Variants in ESR1 observed in about 807,000 individuals in gnomAD.
ESR1 encodes estrogen receptor.
Under a neutral mutation model 52.7 loss-of-function variants are expected in ESR1, and 12 were observed. The observed-to-expected ratio is 0.23, with a 90% confidence interval of 0.15 to 0.37. The LOEUF is 0.37. Among genes scored for constraint, ESR1 ranks in the 10% least tolerant of loss-of-function variants. ESR1 has a pLI of 1.00. For missense variants in ESR1, 584 were observed against 779.7 expected (o/e 0.75, Z 2.99); for synonymous variants, 305 against 316.8 (o/e 0.96, Z 0.39).
chr6:151,913,108 T>TAATAA (rs896610163), intron 3 of ESR1, among the ~76,000 whole-genome samples: 4 of 151,940 alleles, frequency 2.6e-5, no homozygotes, highest in Non-Finnish European at 5.9e-5. Flanking sequence ...AAATAAAAAA[T>TAATAA]AATAAAATAA....
intron 5 of ESR1, among the ~76,000 whole-genome samples, chr6:152,037,522 T>G (rs1242362824): frequency 6.6e-6 from 1 of 152,228 alleles, no homozygotes; most frequent in African/African-American, 2.4e-5. Context: ...TACTAAGCAT[T>G]TATGAGCTAT....
intron 2 of ESR1, among the ~76,000 whole-genome samples, chr6:151,784,673 C>G (rs1786853151): frequency 6.6e-6 from 1 of 152,204 alleles, no homozygotes; most frequent in Non-Finnish European, 1.5e-5. Context: ...GTTACAGTTA[C>G]AGAAGTGACT....
intron 2 of ESR1, among the ~76,000 whole-genome samples, chr6:151,867,022 C>T (rs1790037782): frequency 6.6e-6 from 1 of 152,046 alleles, no homozygotes; most frequent in Non-Finnish European, 1.5e-5. Context: ...GGAAAGGATT[C>T]CCTATTTAAT....
At chr6:152,031,131 T>G (rs183374162) in intron 5 of ESR1, among the ~76,000 whole-genome samples, 131 of 152,268 alleles carry the variant, frequency 8.6e-4, no homozygotes, top group Admixed American at 1.2e-3. Flanking sequence ...TGGGACACAT[T>G]CAAAGCAGTG....
At chr6:151,768,031 C>A (rs2128105281) in intron 2 of ESR1, among the ~76,000 whole-genome samples, 1 of 152,182 alleles carries the variant, frequency 6.6e-6, no homozygotes, top group East Asian at 1.9e-4. Context: ...GAATGTGGAG[C>A]AATAATTATT....
intron 1 of ESR1, among the ~76,000 whole-genome samples, chr6:151,840,870 C>A (rs931664739): frequency 5.9e-5 from 9 of 152,210 alleles, no homozygotes; most frequent in Non-Finnish European, 1.0e-4. Context: ...TCTCTCCATT[C>A]ATTTAAATAT....
intron 2 of ESR1, among the ~76,000 whole-genome samples, chr6:151,786,933 C>T (rs13205359): frequency 0.13 from 20,050 of 152,114 alleles, 1,815 homozygotes; most frequent in East Asian, 0.3. Flanking sequence ...CCTCAGTCTC[C>T]CAAGTAGTTT....
chr6:151,906,936 G>A (rs1426628899), intron 3 of ESR1, among the ~76,000 whole-genome samples: 1 of 151,154 alleles, frequency 6.6e-6, no homozygotes, highest in Non-Finnish European at 1.5e-5. Context: ...TGTTTATTAT[G>A]TGAGGTAGGA....
At chr6:151,686,456 CG>C (rs1778680128), upstream of ESR1, among the ~76,000 whole-genome samples, 1 of 152,038 alleles carries the variant, frequency 6.6e-6, no homozygotes, top group South Asian at 2.1e-4. Context: ...GAGGCCGAGG[CG>C]GCCGGATCAC....
chr6:152,034,733 A>G (rs1478038778), intron 5 of ESR1, among the ~76,000 whole-genome samples: 3 of 152,226 alleles, frequency 2.0e-5, no homozygotes, highest in African/African-American at 7.2e-5. Context: ...CAGAAGTGCC[A>G]CAAAGAGCCG....
At chr6:152,086,410 ATATT>A (rs1485517149) in intron 6 of ESR1, among the ~76,000 whole-genome samples, 4 of 148,040 alleles carry the variant, frequency 2.7e-5, no homozygotes, top group Non-Finnish European at 4.5e-5. Flanking sequence ...TAAATAAATA[ATATT>A]TATTTTATTA....
chr6:151,960,505 C>T (rs372911347), intron 4 of ESR1, among the ~76,000 whole-genome samples: 119 of 152,162 alleles, frequency 7.8e-4, no homozygotes, highest in African/African-American at 2.8e-3. Flanking sequence ...AGTGGCCCAC[C>T]AAGTGCAGAG....
Position 151,808,226 on chromosome 6 carries a change from C to A in ESR1, c.314C>A (p.Pro105Gln). Residue 105 changes from proline to glutamine, a missense_variant, in exon 1 of 8, where the codon CCG becomes CAG. By Grantham distance (76) the Pro-to-Gln change is moderately conservative. Around this residue, in one of 6 missense-constraint regions of ESR1, gnomAD observed 251 missense variants for 246.1 expected, o/e 1.02. Coordinates refer to ENST00000206249, the MANE Select transcript of ESR1 (RefSeq NM_000125.4). The stretch of plus-strand genomic sequence containing the variant: ...TTCCCCCCACTCAACAGCGTGTCTC[C>A]GAGCCCGCTGATGCTACTGCACCCG... ...GGFPPLNSVS[P>Q]SPLMLLHPPP... 1 of 1,571,146 alleles carries A rather than the reference C, an allele frequency of 6.4e-7. No individual in the cohort carries two copies. The highest frequency in any genetic ancestry group is 8.6e-7 in the Non-Finnish European group (1 of 1,158,370).
chr6:151,956,861 T>A (rs866408500), intron 4 of ESR1, among the ~76,000 whole-genome samples: 31 of 82,758 alleles, frequency 3.7e-4, no homozygotes, highest in African/African-American at 5.8e-4. Context: ...TATATATATA[T>A]AAATATATAT....
intron 2 of ESR1, among the ~76,000 whole-genome samples, chr6:151,770,445 C>T (rs1387982252): frequency 6.6e-6 from 1 of 151,982 alleles, no homozygotes; most frequent in Non-Finnish European, 1.5e-5. Flanking sequence ...TAAAGGCAGG[C>T]ATAATTCCAA....
At chr6:151,933,198 TTTA>T (rs1467675135) in intron 3 of ESR1, among the ~76,000 whole-genome samples, 8 of 150,570 alleles carry the variant, frequency 5.3e-5, no homozygotes, top group African/African-American at 1.9e-4. Context: ...TCCTAGGTAT[TTTA>T]TTCTCTTTGA....
intron 1 of ESR1, among the ~76,000 whole-genome samples, chr6:151,678,281 G>A (rs551002698): frequency 4.3e-4 from 65 of 151,966 alleles, no homozygotes; most frequent in African/African-American, 1.3e-3. Flanking sequence ...GAGACCAGCC[G>A]GGCCAACATG....
intron 3 of ESR1, among the ~76,000 whole-genome samples, chr6:151,882,933 G>A (rs1793190121): frequency 6.6e-6 from 1 of 152,064 alleles, no homozygotes; most frequent in Admixed American, 6.6e-5. Context: ...GACTGTGGAT[G>A]GCTCCATACA....
At chr6:151,858,874 G>A (rs1788373370) in intron 2 of ESR1, among the ~76,000 whole-genome samples, 1 of 152,152 alleles carries the variant, frequency 6.6e-6, no homozygotes, top group African/African-American at 2.4e-5. Context: ...AATAACAGAG[G>A]AGACCAATTT....
Sources: allele counts gnomAD v4.1 joint callset (sites outside exome capture counted in the v4.1 genomes callset), GRCh38; gene constraint gnomAD v4.1.1; regional missense constraint gnomAD v4.1.1; transcripts MANE v1.5; gene names NCBI Gene and HGNC (gene_info 2026-07-23, HGNC 2026-07-21).